The following ROBO2 variants were observed in gnomAD, a reference collection of about 807,000 sequenced individuals.
ROBO2 encodes roundabout homolog 2.
ROBO2 carries 53 observed loss-of-function variants against 160.8 expected under a neutral mutation model. That is an observed-to-expected ratio of 0.33 (90% CI 0.26 to 0.41). The LOEUF (loss-of-function observed/expected upper bound fraction) is 0.41, where lower values mean the gene tolerates loss of function less well. Among genes scored for constraint, ROBO2 ranks in the 10% least tolerant of loss-of-function variants. The pLI, the probability that ROBO2 is intolerant of heterozygous loss-of-function variation, is 1.00. For synonymous variants in ROBO2, 664 were observed against 611.7 expected, an observed-to-expected ratio of 1.09 and a Z score of -1.26; for missense variants, 1,577 against 1,722.4, an observed-to-expected ratio of 0.92 and a Z score of 1.49.
chr3:77,334,703 A>T (rs2066308632), intron 2 of ROBO2, among the ~76,000 whole-genome samples: 1 of 151,414 alleles, frequency 6.6e-6, no homozygotes, highest in South Asian at 2.1e-4. Context: ...AGACTGACAG[A>T]AAAAAGAAAA....
intron 2 of ROBO2, among the ~76,000 whole-genome samples, chr3:75,964,809 CATTT>C (rs558408908): frequency 6.6e-6 from 1 of 151,720 alleles, no homozygotes; most frequent in East Asian, 2.0e-4. Context: ...CATGTTGTTA[CATTT>C]ATTTATATTG....
At chr3:76,874,774 T>A (rs2072518856) in intron 2 of ROBO2, among the ~76,000 whole-genome samples, 1 of 152,122 alleles carries the variant, frequency 6.6e-6, no homozygotes, top group African/African-American at 2.4e-5. Flanking sequence ...TCTTCACAGT[T>A]GATGCAAAAA....
chr3:77,087,570 G>C (rs568573473), intron 1 of ROBO2, among the ~76,000 whole-genome samples: 1 of 152,024 alleles, frequency 6.6e-6, no homozygotes, highest in African/African-American at 2.4e-5. Context: ...TGTTGGAAAT[G>C]AATTTATAAA....
intron 2 of ROBO2, 134 bp from the exon 3 acceptor site, chr3:77,477,280 G>A (rs376762065): frequency 3.5e-6 from 3 of 854,860 alleles, no homozygotes; most frequent in East Asian, 2.4e-5. Flanking sequence ...TAAGGTGGAT[G>A]TAGCTATGTT....
chr3:77,384,244 T>C (rs1360525314), intron 2 of ROBO2, among the ~76,000 whole-genome samples: 2 of 152,168 alleles, frequency 1.3e-5, no homozygotes, highest in South Asian at 2.1e-4. Flanking sequence ...TGTTTATTAC[T>C]TAAAACTGAA....
intron 2 of ROBO2, among the ~76,000 whole-genome samples, chr3:76,826,367 C>T (rs1483245232): frequency 6.6e-6 from 1 of 152,084 alleles, no homozygotes; most frequent in East Asian, 1.9e-4. Context: ...TTGCCCATTG[C>T]TGCAGAGATA....
chr3:76,491,061 A>G (rs1353986776), intron 2 of ROBO2, among the ~76,000 whole-genome samples: 3 of 151,830 alleles, frequency 2.0e-5, no homozygotes, highest in African/African-American at 7.3e-5. Flanking sequence ...CCAGGTTCAA[A>G]CGATTCTCCT....
chr3:77,176,764 G>T (rs866361080), intron 2 of ROBO2, among the ~76,000 whole-genome samples: 4 of 152,034 alleles, frequency 2.6e-5, no homozygotes, highest in Middle Eastern at 3.4e-3. Flanking sequence ...TGTATCACTG[G>T]TTTGCTTGCT....
intron 2 of ROBO2, among the ~76,000 whole-genome samples, chr3:76,932,071 T>C (rs1388748676): frequency 6.6e-6 from 1 of 152,170 alleles, no homozygotes; most frequent in African/African-American, 2.4e-5. Context: ...GTAATGATTC[T>C]AAATATCAAG....
chr3:76,551,201 T>G (rs1412511206), intron 2 of ROBO2, among the ~76,000 whole-genome samples: 11 of 151,964 alleles, frequency 7.2e-5, no homozygotes, highest in Admixed American at 7.2e-4. Context: ...CACACAGAAG[T>G]TGGGACTACC....
chr3:76,318,261 G>A (rs868183354), intron 2 of ROBO2, among the ~76,000 whole-genome samples: 6 of 152,072 alleles, frequency 3.9e-5, no homozygotes, highest in Admixed American at 2.0e-4. Context: ...CTACTGCCTA[G>A]GTAGCAGACG....
At chr3:76,134,560 C>T (rs545698715) in intron 2 of ROBO2, among the ~76,000 whole-genome samples, 1 of 152,144 alleles carries the variant, frequency 6.6e-6, no homozygotes, top group South Asian at 2.1e-4. Flanking sequence ...GAATCTCTCT[C>T]CTGCCTAATA....
intron 2 of ROBO2, among the ~76,000 whole-genome samples, chr3:77,196,059 G>A (rs1187188517): frequency 6.6e-6 from 1 of 152,120 alleles, no homozygotes; most frequent in Non-Finnish European, 1.5e-5. Context: ...GTGATGACTC[G>A]CTAAAAATGA....
chr3:76,079,514 C>A (rs150578019), intron 2 of ROBO2, among the ~76,000 whole-genome samples: 2 of 138,328 alleles, frequency 1.4e-5, no homozygotes, highest in Non-Finnish European at 3.0e-5. Flanking sequence ...GACAGAGTCT[C>A]GCTCTGTCGC....
At chr3:76,706,669 G>A (rs1680295093) in intron 2 of ROBO2, among the ~76,000 whole-genome samples, 1 of 151,910 alleles carries the variant, frequency 6.6e-6, no homozygotes. Context: ...ATATATGATG[G>A]CAATTTTATT....
At chr3:75,982,895 A>G (rs917194190) in intron 2 of ROBO2, among the ~76,000 whole-genome samples, 1 of 151,368 alleles carries the variant, frequency 6.6e-6, no homozygotes, top group African/African-American at 2.4e-5. Flanking sequence ...TTGAATGGTT[A>G]CTCTGGAAAT....
chr3:77,015,316 T>C (rs2062171561), intron 2 of ROBO2, among the ~76,000 whole-genome samples: 1 of 152,204 alleles, frequency 6.6e-6, no homozygotes, highest in Admixed American at 6.5e-5. Context: ...CAATTTGTAA[T>C]GAAAGAGCCT....
At position 76,846,152 on chromosome 3, in the gene ROBO2, C is replaced by T. The variant is rs114206257; in HGVS notation, c.110-251862C>T. Among the ~76,000 whole-genome samples the T allele has an allele frequency of 2.7e-3, 407 of 152,182 alleles. 1 individual carries two copies. Among genetic ancestry groups the T allele is most frequent in the African/African-American group, 7.7e-3 (320 of 41,562 alleles). ...CTTTATGAAATAAAACTGTATTGGA[C>T]ATATCACTTTTTCCTTGATTTGTCA... On this transcript the variant is annotated intron_variant, in intron 2 of 26. Coordinates refer to the ROBO2 transcript ENST00000487694.
chr3:76,977,446 G>A (rs991426481), intron 2 of ROBO2, among the ~76,000 whole-genome samples: 5 of 152,196 alleles, frequency 3.3e-5, no homozygotes, highest in Non-Finnish European at 7.4e-5. Flanking sequence ...TAGGTACATG[G>A]AAATTGAAAA....
Sources: allele counts gnomAD v4.1 joint callset (sites outside exome capture counted in the v4.1 genomes callset), GRCh38; gene constraint gnomAD v4.1.1; transcripts MANE v1.5; gene names NCBI Gene and HGNC (gene_info 2026-07-23, HGNC 2026-07-21).